ZNF641: variants seen among roughly 807,000 people sequenced by gnomAD.
ZNF641 encodes zinc finger protein 641.
Under a neutral mutation model 46.2 loss-of-function variants are expected in ZNF641, and 26 were observed. That is an observed-to-expected ratio of 0.56 (90% CI 0.41 to 0.78). The LOEUF (loss-of-function observed/expected upper bound fraction) is 0.78, where lower values mean the gene tolerates loss of function less well. Among genes scored for constraint, ZNF641 ranks in the 30% least tolerant of loss-of-function variants. The probability of loss-of-function intolerance (pLI) is 0.00; values close to 1 mark genes in which losing one functional copy is unlikely to be tolerated. For synonymous variants in ZNF641, 163 were observed against 187.9 expected (o/e 0.87, Z 1.09); for missense variants, 469 against 517.8 (o/e 0.91, Z 0.91).
chr12:48,344,311 T>C (rs1316784997), intron 5 of ZNF641: 1 of 218,696 alleles, frequency 4.6e-6, no homozygotes, highest in African/African-American at 2.3e-5. Flanking sequence ...CACTGTTCTA[T>C]TCTAATATTC....
chr12:48,345,352 G>T lies in ZNF641; in HGVS notation c.399C>A (p.Val133=). Residue 133 remains valine, a synonymous_variant, in exon 4 of 6, where the codon GTC becomes GTA. Transcript: ENST00000547026. ...YVMQENCGIV[V]SLRFPIPKLD... is the part of the protein sequence containing the mutation. Reference sequence around the variant, plus strand: ...GGAGAAGGTCATGCTTACTCAGAGAGACTACTATCCCACAGTTTTCCTGCA... The same window carrying T: ...GGAGAAGGTCATGCTTACTCAGAGATACTACTATCCCACAGTTTTCCTGCA... 1.2e-6 allele frequency: 2 copies of T among 1,613,960 alleles called. No homozygotes were observed. The highest frequency in any genetic ancestry group is 1.3e-5 in the African/African-American group (1 of 75,028).
chr12:48,349,583 A>G (rs77795931), intron 1 of ZNF641, among the ~76,000 whole-genome samples: 1,783 of 152,358 alleles, frequency 0.012, 149 homozygotes, highest in Admixed American at 0.1. Flanking sequence ...CCCAATGCAC[A>G]GGAAAAACAA....
intron 4 of ZNF641, 28 bp from the exon 5 acceptor site, chr12:48,344,740 G>A (rs1486964070): frequency 1.5e-6 from 2 of 1,346,694 alleles, no homozygotes; most frequent in Non-Finnish European, 2.1e-6. Flanking sequence ...AAATAGAGCT[G>A]TCAATTAGTT....
At chr12:48,347,138 G>A in intron 3 of ZNF641, 114 bp downstream of exon 3, 1 of 1,567,032 alleles carries the variant, frequency 6.4e-7, no homozygotes, top group Non-Finnish European at 8.7e-7. Flanking sequence ...TCAGTTATAA[G>A]ATGAACATAC....
rs1212213807 is a variant in ZNF641, at chr12:48,345,396, AGTCT to A, written c.351_354del (p.Asp118PhefsTer13). The stretch of plus-strand genomic sequence containing the variant: ...TCCTGCATGACATATTCTCCATAAA[AGTCT>A]GTCTGAGAGGGGTCCAGGCTCCGCC... On this transcript the variant is annotated frameshift_variant, in exon 4 of 6. Transcript: ENST00000547026. LOFTEE classifies it high-confidence loss of function. 2 of 1,614,068 alleles carry A rather than the reference AGTCT, an allele frequency of 1.2e-6. No individual in the cohort carries two copies. Among genetic ancestry groups the A allele is most frequent in the Non-Finnish European group, 1.7e-6 (2 of 1,180,034 alleles).
rs1952724598 is a variant in ZNF641 at position 48,341,841 on chromosome 12, T to TA, written c.*1131dup. 9 of 985,356 alleles carry TA rather than the reference T, an allele frequency of 9.1e-6. No homozygotes were observed. The highest frequency in any genetic ancestry group is 9.6e-6 in the Non-Finnish European group (8 of 829,948). The allele number at this position is 985,356 out of a possible 1,614,324, so 61.0% of individuals were successfully genotyped here. A position where few individuals can be genotyped will look rare whatever the true frequency, so the allele number is the denominator to read the frequency against. On this transcript the variant is annotated 3_prime_UTR_variant, in exon 6 of 6. Coordinates refer to ENST00000547026, the MANE Select transcript of ZNF641 (RefSeq NM_001172681.2). Reference sequence around the variant, plus strand: ...TAGACATACACATCCACAATTGTCTTAATCTCAGCAGTACTGGGAAAGCTT... The same window carrying TA: ...TAGACATACACATCCACAATTGTCTTAAATCTCAGCAGTACTGGGAAAGCTT...
Position 48,342,556 on chromosome 12 carries a change from T to C in ZNF641, c.*417A>G. On this transcript the variant is annotated 3_prime_UTR_variant, in exon 6 of 6. Coordinates refer to ENST00000547026, the MANE Select transcript of ZNF641 (RefSeq NM_001172681.2). ...GTCTACTGCAGAAATTTTCAGAGCC[T>C]TTAATATTCTAAAATGGCCTTTCTG... 1 of 518,110 alleles carries C rather than the reference T, an allele frequency of 1.9e-6. No individual in the cohort carries two copies. Among genetic ancestry groups the C allele is most frequent in the Admixed American group, 5.5e-5 (1 of 18,304 alleles). 32.1% of individuals were successfully genotyped at this position (518,110 alleles called of 1,614,324 possible).
chr12:48,340,485 C>T lies in ZNF641; in HGVS notation c.*2488G>A, dbSNP rs974939135. Reference sequence around the variant, plus strand: ...ACCAGAGAGTAGAATGTAAGCAATACCCTTGTCGTAATTAAAGACCAGACT... The same window carrying T: ...ACCAGAGAGTAGAATGTAAGCAATATCCTTGTCGTAATTAAAGACCAGACT... On this transcript the variant is annotated 3_prime_UTR_variant, in exon 6 of 6. Transcript: ENST00000547026. 5 of 984,890 alleles carry T rather than the reference C, an allele frequency of 5.1e-6. No individual in the cohort carries two copies. The African/African-American group carries it at 7.0e-5, about 14-fold the overall frequency. 61.0% of individuals were successfully genotyped at this position (984,890 alleles called of 1,614,324 possible). A position where few individuals can be genotyped will look rare whatever the true frequency, so the allele number is the denominator to read the frequency against.
chr12:48,345,346 C>T lies in ZNF641; in HGVS notation c.405G>A (p.Leu135=), dbSNP rs1288845023. Residue 135 remains leucine, a splice_region_variant and synonymous_variant, in exon 4 of 6, where the codon CTG becomes CTA. Transcript: ENST00000547026. The part of the protein sequence containing the change: ...MQENCGIVVS[L]RFPIPKLDML... ...GTGGCTGGAGAAGGTCATGCTTACT[C>T]AGAGAGACTACTATCCCACAGTTTT... The T allele has an allele frequency of 1.2e-6, 2 of 1,613,802 alleles. No individual in the cohort carries two copies. Among genetic ancestry groups the T allele is most frequent in the Non-Finnish European group, 8.5e-7 (1 of 1,179,850 alleles).
chr12:48,344,059 T>C (rs1384005352), intron 5 of ZNF641, among the ~76,000 whole-genome samples: 1 of 152,256 alleles, frequency 6.6e-6, no homozygotes, highest in Admixed American at 6.5e-5. Context: ...AAGTACTTAG[T>C]AAATTGTATA....
In ZNF641 at chr12:48,350,173, G is replaced by A. The variant is rs552976950; in HGVS notation, c.-26+613C>T. ...ATGCCCACTGCAGTGTGGGTTCTAG[G>A]GCTTTCATTTCCCCCTTTTCTTCAC... On this transcript the variant is annotated intron_variant, in intron 1 of 5. Coordinates refer to ENST00000547026, the MANE Select transcript of ZNF641 (RefSeq NM_001172681.2). The A allele has an allele frequency of 6.3e-6, 10 of 1,582,238 alleles. No individual in the cohort carries two copies. In the Admixed American group the frequency reaches 1.1e-4, roughly 18 times the overall value.
intron 3 of ZNF641, 103 bp downstream of exon 3, chr12:48,347,149 C>T (rs1246355754): frequency 6.3e-7 from 1 of 1,588,088 alleles, no homozygotes; most frequent in East Asian, 2.3e-5. Context: ...ATGAACATAC[C>T]ATTGATGATC....
Position 48,340,594 on chromosome 12 carries a change from T to C in ZNF641, c.*2379A>G. ...TGCCTTCTAATTCTTGACACAAATA[T>C]ATAATGACCATTTTAGATCGGGGAA... On this transcript the variant is annotated 3_prime_UTR_variant, in exon 6 of 6. Transcript: ENST00000547026. The C allele has an allele frequency of 1.7e-5, 17 of 985,468 alleles. No individual in the cohort carries two copies. The highest frequency in any genetic ancestry group is 1.8e-5 in the Non-Finnish European group (15 of 829,942). 61.0% of individuals were successfully genotyped at this position (985,468 alleles called of 1,614,324 possible). A position where few individuals can be genotyped will look rare whatever the true frequency, so the allele number is the denominator to read the frequency against.
chr12:48,340,284 C>T lies in ZNF641; in HGVS notation c.*2689G>A. The T allele has an allele frequency of 1.0e-6, 1 of 985,396 alleles. No individual in the cohort carries two copies. Among genetic ancestry groups the T allele is most frequent in the Non-Finnish European group, 1.2e-6 (1 of 829,932 alleles). The allele number at this position is 985,396 out of a possible 1,614,324, so 61.0% of individuals were successfully genotyped here. A position where few individuals can be genotyped will look rare whatever the true frequency, so the allele number is the denominator to read the frequency against. On this transcript the variant is annotated 3_prime_UTR_variant, in exon 6 of 6. Transcript: ENST00000547026. ...TTTCAGCTGGGTGCTATACTTGCAC[C>T]TAACTCTGGGGGCTTCACTTTCTAT...
intron 5 of ZNF641, among the ~76,000 whole-genome samples, chr12:48,344,051 G>A (rs2732486): frequency 0.24 from 36,151 of 152,138 alleles, 5,532 homozygotes; most frequent in South Asian, 0.36. Context: ...CATAGTTTAA[G>A]TACTTAGTAA....
At chr12:48,344,973 C>T (rs901572285) in intron 4 of ZNF641, among the ~76,000 whole-genome samples, 1 of 151,956 alleles carries the variant, frequency 6.6e-6, no homozygotes, top group Admixed American at 6.6e-5. Context: ...CCTTTCTGGG[C>T]GTAACTTCAC....
Position 48,342,030 on chromosome 12 carries a change from CTGTCTTCA to C in ZNF641, c.*935_*942del. The C allele has an allele frequency of 1.0e-6, 1 of 985,486 alleles. No homozygotes were observed. The highest frequency in any genetic ancestry group is 1.2e-6 in the Non-Finnish European group (1 of 829,958). The allele number at this position is 985,486 out of a possible 1,614,324, so 61.0% of individuals were successfully genotyped here. ...GCTTGTACAGTTTGCACATAGCATGCTGTCTTCAAAGACCCTGCACACAAATACACAGA... is the reference window on the plus strand; with the variant it reads ...GCTTGTACAGTTTGCACATAGCATGCAAGACCCTGCACACAAATACACAGA... On this transcript the variant is annotated 3_prime_UTR_variant, in exon 6 of 6. Coordinates refer to ENST00000547026, the MANE Select transcript of ZNF641 (RefSeq NM_001172681.2).
rs934454087 is a variant in ZNF641 at position 48,342,794 on chromosome 12, T to G, written c.*179A>C. 3 of 1,419,896 alleles carry G rather than the reference T, an allele frequency of 2.1e-6. No individual in the cohort carries two copies. Among genetic ancestry groups the G allele is most frequent in the African/African-American group, 1.4e-5 (1 of 69,486 alleles). The allele number at this position is 1,419,896 out of a possible 1,614,324, so 88.0% of individuals were successfully genotyped here. On this transcript the variant is annotated 3_prime_UTR_variant, in exon 6 of 6. Coordinates refer to ENST00000547026, the MANE Select transcript of ZNF641 (RefSeq NM_001172681.2). ...TTTTGCCCAAAGAACTCTATTTTTA[T>G]GTGCTATCTCACAGAACTGGTGAGA...
In ZNF641 at chr12:48,341,452, T is replaced by C; in HGVS notation, c.*1521A>G. 1.0e-6 allele frequency: 1 copy of C among 985,470 alleles called. No individual in the cohort carries two copies. 61.0% of individuals were successfully genotyped at this position (985,470 alleles called of 1,614,324 possible). A position where few individuals can be genotyped will look rare whatever the true frequency, so the allele number is the denominator to read the frequency against. ...AGAATACTTATGCAAGCCCTAGAGT[T>C]AAGGGTCTTAGTGTGGACACCTTTC... is the stretch of plus-strand genomic sequence containing the variant. On this transcript the variant is annotated 3_prime_UTR_variant, in exon 6 of 6. Transcript: ENST00000547026.
Sources: gnomAD v4.1 joint callset for allele counts (sites outside exome capture counted in the v4.1 genomes callset) on GRCh38, gnomAD v4.1.1 for gene constraint, MANE v1.5 for transcripts, NCBI Gene and HGNC (gene_info 2026-07-23, HGNC 2026-07-21) for gene names.